TNIP2: variants seen among roughly 807,000 people sequenced by gnomAD.
TNIP2 encodes the protein TNFAIP3-interacting protein 2.
Under a neutral mutation model 43.7 loss-of-function variants are expected in TNIP2, and 30 were observed. The observed-to-expected ratio is 0.69, with a 90% CI of 0.51 to 0.93. The LOEUF is 0.93. Ranked by LOEUF, TNIP2 falls within the 40% of genes least tolerant of loss-of-function variation. The pLI is 0.00. For missense variants in TNIP2, 599 were observed against 591.0 expected (o/e 1.01, Z -0.14); for synonymous variants, 260 against 254.6 (o/e 1.02, Z -0.20).
chr4:2,744,560 C>G lies in TNIP2; in HGVS notation c.907-54G>C. 1.9e-6 allele frequency: 3 copies of G among 1,609,894 alleles called. No homozygotes were observed. The highest frequency in any genetic ancestry group is 2.5e-6 in the Non-Finnish European group (3 of 1,178,128). ...CTCAAGGAAGGAGGAAGCGCCCCAC[C>G]AGGCTTCTCCCACCCCCACAGTGAC... On this transcript the variant is annotated intron_variant, in intron 4 of 5. Coordinates refer to ENST00000315423, the MANE Select transcript of TNIP2 (RefSeq NM_024309.4). This position sits in a 1 kb window ranked among gnomAD's most constrained non-coding sequence, Gnocchi z 5.1.
Position 2,744,864 on chromosome 4 carries a change from C to T in TNIP2, c.739G>A (p.Gly247Arg). The change falls in exon 4 of 6, where the codon GGG (glycine) becomes AGG (arginine). Residue 247 changes from glycine to arginine, a missense_variant. Transcript: ENST00000315423. The surrounding 1 kb of genome is among the most constrained non-coding windows in gnomAD (Gnocchi z 5.1). Reference protein sequence around the residue: ...YVRGLHAQLRGLQIPHEPELM... With the variant: ...YVRGLHAQLRRLQIPHEPELM... The stretch of plus-strand genomic sequence containing the variant: ...TCGGGCTCGTGGGGGATCTGCAGCC[C>T]CCTGAGCTGCGCATGGAGCCCCCTC... 6.2e-7 allele frequency: 1 copy of T among 1,614,012 alleles called. No individual in the cohort carries two copies. The highest frequency in any genetic ancestry group is 8.5e-7 in the Non-Finnish European group (1 of 1,180,030).
chr4:2,750,968 A>C (rs1001257043), intron 1 of TNIP2, among the ~76,000 whole-genome samples: 3 of 152,182 alleles, frequency 2.0e-5, no homozygotes, highest in South Asian at 2.1e-4. Flanking sequence ...ACAGATGCCC[A>C]GTAAATGGGA....
chr4:2,751,532 A>AG (rs1197835404), intron 1 of TNIP2, among the ~76,000 whole-genome samples: 2 of 152,192 alleles, frequency 1.3e-5, no homozygotes, highest in Non-Finnish European at 2.9e-5. Context: ...GCACTTTGGG[A>AG]GGCCGAGGTG....
chr4:2,751,424 C>G (rs1722099812), intron 1 of TNIP2, among the ~76,000 whole-genome samples: 1 of 152,232 alleles, frequency 6.6e-6, no homozygotes, highest in Admixed American at 6.5e-5. Flanking sequence ...CCTTAAGAGG[C>G]ACAGTGGCCT....
At chr4:2,742,607 A>G in intron 5 of TNIP2, 87 bp from the exon 6 acceptor site, 1 of 1,381,722 alleles carries the variant, frequency 7.2e-7, no homozygotes. Flanking sequence ...GAGGCACTTC[A>G]CCTATCCCTG....
At position 2,741,850 on chromosome 4, in the gene TNIP2, G is replaced by C. The variant is rs566746543; in HGVS notation, c.*407C>G. The C allele has an allele frequency of 5.9e-6, 1 of 168,332 alleles. No homozygotes were observed. The allele number at this position is 168,332 out of a possible 1,614,324, so 10.4% of individuals were successfully genotyped here. On this transcript the variant is annotated 3_prime_UTR_variant, in exon 6 of 6. Transcript: ENST00000315423. ...CTCCATTTGACTGGTTCGAGGCAGAGAGGCGACGCTTTATTCCATAGAACA... is the reference window on the plus strand; with the variant it reads ...CTCCATTTGACTGGTTCGAGGCAGACAGGCGACGCTTTATTCCATAGAACA...
Position 2,756,334 on chromosome 4 carries a change from C to G in TNIP2, c.-45G>C, listed in dbSNP as rs1454040607. The G allele has an allele frequency of 1.8e-6, 2 of 1,142,842 alleles. No individual in the cohort carries two copies. The highest frequency in any genetic ancestry group is 2.2e-6 in the Non-Finnish European group (2 of 919,246). The allele number at this position is 1,142,842 out of a possible 1,614,324, so 70.8% of individuals were successfully genotyped here. ...AGGCCGCGCGGCCGCCGGCAACTTCCGCGCCCGGGCCCCGCCGGCTGCCGC... is the reference window on the plus strand; with the variant it reads ...AGGCCGCGCGGCCGCCGGCAACTTCGGCGCCCGGGCCCCGCCGGCTGCCGC... On this transcript the variant is annotated 5_prime_UTR_variant, in exon 1 of 6. Transcript: ENST00000315423.
chr4:2,742,403 G>C lies in TNIP2; in HGVS notation c.1144C>G (p.Gln382Glu), dbSNP rs760289968. The C allele has an allele frequency of 1.9e-6, 3 of 1,611,882 alleles. No individual in the cohort carries two copies. Among genetic ancestry groups the C allele is most frequent in the Non-Finnish European group, 8.5e-7 (1 of 1,178,952 alleles). The change falls in exon 6 of 6, where the codon CAG becomes GAG. Residue 382 changes from glutamine to glutamate, a missense_variant. Coordinates refer to ENST00000315423, the MANE Select transcript of TNIP2 (RefSeq NM_024309.4). ...PGGWRPGTGS[Q>E]QPEPPAEGGH... ...CCCTCTGCAGGGGGTTCTGGCTGCT[G>C]GGACCCAGTCCCAGGCCTCCAGCCA... is the stretch of plus-strand genomic sequence containing the variant.
chr4:2,753,356 C>T lies in TNIP2; in HGVS notation c.276+2658G>A, dbSNP rs140468893. ...ATGGGAGGCTGAGGCAGGAGGATCACGTAAGCCCAGGAGGTTGAGGCCACA... is the reference window on the plus strand; with the variant it reads ...ATGGGAGGCTGAGGCAGGAGGATCATGTAAGCCCAGGAGGTTGAGGCCACA... On this transcript the variant is annotated intron_variant, in intron 1 of 5. Coordinates refer to ENST00000315423, the MANE Select transcript of TNIP2 (RefSeq NM_024309.4). Among the ~76,000 whole-genome samples the T allele has an allele frequency of 3.9e-5, 6 of 152,252 alleles. No individual in the cohort carries two copies. The East Asian group carries it at 5.8e-4, about 15-fold the overall frequency.
Position 2,744,743 on chromosome 4 carries a change from G to C in TNIP2, c.860C>G (p.Thr287Arg), listed in dbSNP as rs374089721. ...EVKQELAASR[T>R]ARDAALERVQ... ...CCGCTCCAACGCAGCATCCCGGGCC[G>C]TCCTGGAGGCCGCCAGCTCCTGCTT... The change falls in exon 4 of 6, where the codon ACG (threonine) becomes AGG (arginine). Residue 287 changes from threonine (T) to arginine (R), a missense_variant. Coordinates refer to ENST00000315423, the MANE Select transcript of TNIP2 (RefSeq NM_024309.4). The surrounding 1 kb of genome is among the most constrained non-coding windows in gnomAD (Gnocchi z 5.1). 2.4e-5 allele frequency: 38 copies of C among 1,607,856 alleles called. No individual in the cohort carries two copies. The highest frequency in any genetic ancestry group is 3.0e-5 in the Non-Finnish European group (35 of 1,180,012).
rs1485410792 is a variant in TNIP2 at position 2,748,085 on chromosome 4, GAACT to G, written c.277-144_277-141del. 4 of 865,508 alleles carry G rather than the reference GAACT, an allele frequency of 4.6e-6. No homozygotes were observed. The Admixed American group carries it at 8.3e-5, about 18-fold the overall frequency. The allele number at this position is 865,508 out of a possible 1,614,324, so 53.6% of individuals were successfully genotyped here. A position where few individuals can be genotyped will look rare whatever the true frequency, so the allele number is the denominator to read the frequency against. On this transcript the variant is annotated intron_variant, in intron 1 of 5. Coordinates refer to ENST00000315423, the MANE Select transcript of TNIP2 (RefSeq NM_024309.4). ...ATACTCACTCAGAAGTTGGGCGTTT[GAACT>G]AACAATTACTCACTCAGAAGTTGGG...
chr4:2,743,252 G>A (rs374834117), intron 5 of TNIP2, among the ~76,000 whole-genome samples: 3 of 152,208 alleles, frequency 2.0e-5, no homozygotes, highest in East Asian at 1.9e-4. Flanking sequence ...TGTTGAAAGG[G>A]AACCAGAGGC....
chr4:2,744,913 G>A lies in TNIP2; in HGVS notation c.690C>T (p.Tyr230=). Residue 230 remains tyrosine, a synonymous_variant, in exon 4 of 6, where the codon TAC becomes TAT. Coordinates refer to ENST00000315423, the MANE Select transcript of TNIP2 (RefSeq NM_024309.4). The surrounding 1 kb of genome is among the most constrained non-coding windows in gnomAD (Gnocchi z 5.1). ...TCACGTATTCGTCCCTGCTGGCGTT[G>A]TAGCGCTGCCACTTGGCATTGAGGT... ...VEDLNAKWQR[Y]NASRDEYVRG... is the part of the protein sequence containing the mutation. 6.2e-7 allele frequency: 1 copy of A among 1,609,776 alleles called. No individual in the cohort carries two copies. Among genetic ancestry groups the A allele is most frequent in the Non-Finnish European group, 8.5e-7 (1 of 1,176,608 alleles).
Position 2,756,203 on chromosome 4 carries a change from C to T in TNIP2, c.87G>A (p.Gln29=), listed in dbSNP as rs1676444503. 5 of 1,474,348 alleles carry T rather than the reference C, an allele frequency of 3.4e-6. No homozygotes were observed. The Admixed American group carries it at 1.2e-4, about 36-fold the overall frequency. The allele number at this position is 1,474,348 out of a possible 1,614,324, so 91.3% of individuals were successfully genotyped here. The part of the protein sequence containing the change: ...ALCTLYHEAG[Q]RLRRLQDQLA... ...GCTGGTCCTGCAGGCGGCGCAGCCG[C>T]TGTCCGGCCTCGTGGTACAGGGTGC... Residue 29 remains glutamine, a synonymous_variant, in exon 1 of 6, where the codon CAG becomes CAA. Coordinates refer to ENST00000315423, the MANE Select transcript of TNIP2 (RefSeq NM_024309.4).
intron 5 of TNIP2, among the ~76,000 whole-genome samples, chr4:2,743,080 C>T (rs1029250431): frequency 2.0e-5 from 3 of 152,208 alleles, no homozygotes; most frequent in African/African-American, 7.2e-5. Context: ...GCCCTCACTG[C>T]TTGCCTGGGA....
At position 2,747,550 on chromosome 4, in the gene TNIP2, G is replaced by A. The variant is rs1721980780; in HGVS notation, c.567+105C>T. The A allele has an allele frequency of 5.9e-6, 7 of 1,182,914 alleles. No homozygotes were observed. In the South Asian group the frequency reaches 9.8e-5, roughly 17 times the overall value. The allele number at this position is 1,182,914 out of a possible 1,614,324, so 73.3% of individuals were successfully genotyped here. A position where few individuals can be genotyped will look rare whatever the true frequency, so the allele number is the denominator to read the frequency against. On this transcript the variant is annotated intron_variant, in intron 2 of 5. Transcript: ENST00000315423. ...CAGCTGACTCTCGTTACTGAGAACA[G>A]AAGTGGGTTCTGGGGCGCCCCCCCA...
chr4:2,744,463 C>T lies in TNIP2; in HGVS notation c.950G>A (p.Arg317Gln), dbSNP rs147785745. ...KDDFMSERAD[R>Q]ERAQSRIQEL... ...TTGAATCCTACTTTGAGCCCGTTCC[C>T]GATCGGCCCTTTCTGACATGAAGTC... The change falls in exon 5 of 6, where the codon CGG (arginine) becomes CAG (glutamine). Residue 317 changes from arginine to glutamine, a missense_variant. Coordinates refer to ENST00000315423, the MANE Select transcript of TNIP2 (RefSeq NM_024309.4). This position sits in a 1 kb window ranked among gnomAD's most constrained non-coding sequence, Gnocchi z 5.1. 213 of 1,614,190 alleles carry T rather than the reference C, an allele frequency of 1.3e-4. No individual in the cohort carries two copies. In the African/African-American group the frequency reaches 2.3e-3, roughly 18 times the overall value.
rs1043361257 is a variant in TNIP2, at chr4:2,745,524, T to C, written c.579A>G (p.Thr193=). ...CACTCTGGACAGAGGTGTGCCCATC[T>C]GTGTGTTCCGACTGCATGAGGAAGG... ...GERSPDQSEH[T]DGHTSVQSVI... Residue 193 remains threonine (T), a synonymous_variant, in exon 3 of 6, where the codon ACA becomes ACG. Coordinates refer to ENST00000315423, the MANE Select transcript of TNIP2 (RefSeq NM_024309.4). 6.2e-7 allele frequency: 1 copy of C among 1,613,664 alleles called. No individual in the cohort carries two copies. Among genetic ancestry groups the C allele is most frequent in the Non-Finnish European group, 8.5e-7 (1 of 1,179,666 alleles).
At chr4:2,750,397 G>GATT (rs71644358) in intron 1 of TNIP2, among the ~76,000 whole-genome samples, 33,040 of 145,360 alleles carry the variant, frequency 0.23, 4,146 homozygotes, top group Middle Eastern at 0.34. Flanking sequence ...CGAGAACCCT[G>GATT]ATTATTATTA....
Sources: gnomAD v4.1 joint callset for allele counts (sites outside exome capture counted in the v4.1 genomes callset) on GRCh38, gnomAD v4.1.1 for gene constraint, Gnocchi (gnomAD v3.1) non-coding constraint, MANE v1.5 for transcripts, NCBI Gene and HGNC (gene_info 2026-07-23, HGNC 2026-07-21) for gene names.